The following STON2 variants were observed in gnomAD, a reference collection of about 807,000 sequenced individuals.
The protein encoded by STON2 is stonin-2.
A neutral mutation model predicts 65.7 loss-of-function variants in STON2; 29 were observed. The ratio of observed to expected loss-of-function variants is 0.44; its 90% confidence interval spans 0.33 to 0.60. The LOEUF (loss-of-function observed/expected upper bound fraction) is 0.60, where lower values mean the gene tolerates loss of function less well. Among genes scored for constraint, STON2 ranks in the 20% least tolerant of loss-of-function variants. STON2 has a pLI of 0.03. For missense variants in STON2, 1,054 were observed against 1,118.1 expected, an observed-to-expected ratio of 0.94 and a Z score of 0.82; for synonymous variants, 404 against 414.2, an observed-to-expected ratio of 0.98 and a Z score of 0.30.
intron 3 of STON2, chr14:81,395,631 A>G (rs1900277191): frequency 2.3e-6 from 1 of 439,502 alleles, no homozygotes; most frequent in Non-Finnish European, 4.1e-6. Context: ...TATATGCATT[A>G]TTTTAAAGAC....
chr14:81,412,962 G>A, intron 2 of STON2: 1 of 986,440 alleles, frequency 1.0e-6, no homozygotes, highest in South Asian at 1.5e-5. Context: ...CCTTCTCCAT[G>A]GGTAACCATG....
chr14:81,327,676 T>A (rs1897049410), intron 4 of STON2, among the ~76,000 whole-genome samples: 1 of 152,258 alleles, frequency 6.6e-6, no homozygotes, highest in Non-Finnish European at 1.5e-5. Context: ...ATTAAAGGCT[T>A]ATACTTTCCA....
chr14:81,264,200 A>C lies in STON2; in HGVS notation c.*4214T>G. ...GGGCACAAAAATGTTTTTCAATGTG[A>C]ATGAGGTACATTGTAGTTCAAATTC... is the stretch of plus-strand genomic sequence containing the variant. On this transcript the variant is annotated 3_prime_UTR_variant, in exon 8 of 8. Transcript: ENST00000614646. 3 of 985,418 alleles carry C rather than the reference A, an allele frequency of 3.0e-6. No homozygotes were observed. The South Asian group carries it at 1.4e-4, about 46-fold the overall frequency. The allele number at this position is 985,418 out of a possible 1,614,324, so 61.0% of individuals were successfully genotyped here.
chr14:81,406,078 C>T (rs913399470), intron 2 of STON2, among the ~76,000 whole-genome samples: 16 of 152,148 alleles, frequency 1.1e-4, no homozygotes, highest in African/African-American at 3.6e-4. Flanking sequence ...TGGACTTACA[C>T]CAGTGATTTG....
intron 5 of STON2, among the ~76,000 whole-genome samples, chr14:81,291,843 A>T (rs1386458031): frequency 1.4e-5 from 2 of 146,210 alleles, no homozygotes; most frequent in Non-Finnish European, 3.0e-5. Flanking sequence ...GCATGTTTCA[A>T]ATACTTAGCA....
chr14:81,313,831 ACACACACACT>A (rs1208102587), intron 5 of STON2, among the ~76,000 whole-genome samples: 1 of 148,920 alleles, frequency 6.7e-6, no homozygotes, highest in Non-Finnish European at 1.5e-5. Flanking sequence ...ACACACACAC[ACACACACACT>A]AATGAAACAG....
chr14:81,306,387 T>G (rs1264692978), intron 5 of STON2, among the ~76,000 whole-genome samples: 1 of 6,986 alleles, frequency 1.4e-4, no homozygotes, highest in African/African-American at 6.1e-4. Context: ...ATATGCTCTA[T>G]TTTTTTTTAA....
At chr14:81,418,725 C>T (rs1356387791) in intron 2 of STON2, among the ~76,000 whole-genome samples, 2 of 152,162 alleles carry the variant, frequency 1.3e-5, no homozygotes, top group Non-Finnish European at 2.9e-5. Context: ...ATGACCACAG[C>T]ACAACTGTAA....
At chr14:81,288,462 G>A (rs904423384) in intron 5 of STON2, among the ~76,000 whole-genome samples, 7 of 152,170 alleles carry the variant, frequency 4.6e-5, no homozygotes, top group African/African-American at 1.7e-4. Context: ...TTACTGTACT[G>A]AATACTGCAG....
upstream of STON2, among the ~76,000 whole-genome samples, chr14:81,404,068 G>T (rs1435643396): frequency 2.6e-5 from 4 of 152,190 alleles, no homozygotes; most frequent in African/African-American, 9.6e-5. Context: ...GAATGAATTT[G>T]CCTTAACATA....
Position 81,267,293 on chromosome 14 carries a change from T to C in STON2, c.*1121A>G, listed in dbSNP as rs780491815. 5.1e-6 allele frequency: 5 copies of C among 985,384 alleles called. No homozygotes were observed. Among genetic ancestry groups the C allele is most frequent in the African/African-American group, 1.7e-5 (1 of 57,354 alleles). 61.0% of individuals were successfully genotyped at this position (985,384 alleles called of 1,614,324 possible). A position where few individuals can be genotyped will look rare whatever the true frequency, so the allele number is the denominator to read the frequency against. On this transcript the variant is annotated 3_prime_UTR_variant, in exon 8 of 8. Transcript: ENST00000614646. ...TAATGTTCCCAACATTAGAAAAATA[T>C]GGCTTTTCCACGTCTCTACCCTAGA...
intron 4 of STON2, among the ~76,000 whole-genome samples, chr14:81,326,549 C>T (rs938017068): frequency 6.6e-6 from 1 of 152,136 alleles, no homozygotes; most frequent in African/African-American, 2.4e-5. Context: ...GGAACTCCAA[C>T]ATACTCTACG....
chr14:81,274,031 CCGGATGGAACA>C (rs1288561523), intron 6 of STON2, among the ~76,000 whole-genome samples: 1 of 152,152 alleles, frequency 6.6e-6, no homozygotes, highest in East Asian at 1.9e-4. Context: ...CTCTGGGTTC[CCGGATGGAACA>C]CTGCAAGGGA....
rs562565580 is a variant in STON2 at position 81,305,602 on chromosome 14, AT to A, written c.742+18414del. The stretch of plus-strand genomic sequence containing the variant: ...GTTTTTTTTATATATTCAGGATTTG[AT>A]TTCTTTGTTATTATGTATTTATTGC... On this transcript the variant is annotated intron_variant, in intron 5 of 7. Coordinates refer to ENST00000614646, the MANE Select transcript of STON2 (RefSeq NM_001394390.1). Among the ~76,000 whole-genome samples, 5 of 151,554 alleles carry A rather than the reference AT, an allele frequency of 3.3e-5. No individual in the cohort carries two copies. The South Asian group carries it at 1.0e-3, about 32-fold the overall frequency.
Position 81,277,242 on chromosome 14 carries a change from A to G in STON2, c.2240T>C (p.Leu747Pro). 1 of 1,614,160 alleles carries G rather than the reference A, an allele frequency of 6.2e-7. No homozygotes were observed. Among genetic ancestry groups the G allele is most frequent in the East Asian group, 2.2e-5 (1 of 44,890 alleles). Residue 747 changes from leucine (L) to proline (P), a missense_variant, in exon 6 of 8, where the codon CTC becomes CCC. By Grantham distance (98) the Leu-to-Pro change is moderately conservative. Coordinates refer to ENST00000614646, the MANE Select transcript of STON2 (RefSeq NM_001394390.1). The stretch of plus-strand genomic sequence containing the variant: ...CCCATTGACACTTGTGGCCGTCCTG[A>G]GTGTGAAAGGCAAGGTCTTCTCAGC... ...VFAEKTLPFT[L>P]RTATSVNGAE...
intron 5 of STON2, among the ~76,000 whole-genome samples, chr14:81,288,743 T>A (rs1895438215): frequency 6.7e-6 from 1 of 150,194 alleles, no homozygotes; most frequent in African/African-American, 2.5e-5. Flanking sequence ...GCTCTTTTTG[T>A]TTCGGAGGTT....
chr14:81,405,204 C>T (rs2140460761), upstream of STON2, among the ~76,000 whole-genome samples: 1 of 152,246 alleles, frequency 6.6e-6, no homozygotes, highest in South Asian at 2.1e-4. Flanking sequence ...TTCTGCTAAT[C>T]TGTCCTTGCG....
chr14:81,280,012 A>G (rs1895042823), intron 5 of STON2, among the ~76,000 whole-genome samples: 1 of 152,252 alleles, frequency 6.6e-6, no homozygotes, highest in Non-Finnish European at 1.5e-5. Context: ...TAAGAAATTG[A>G]AGCCTACAAT....
At chr14:81,407,956 T>C (rs1900950245) in intron 2 of STON2, among the ~76,000 whole-genome samples, 1 of 152,224 alleles carries the variant, frequency 6.6e-6, no homozygotes, top group Non-Finnish European at 1.5e-5. Flanking sequence ...ATAACCATGC[T>C]GCTTGTTTCA....
Sources: gnomAD v4.1 joint callset for allele counts (sites outside exome capture counted in the v4.1 genomes callset) on GRCh38, gnomAD v4.1.1 for gene constraint, MANE v1.5 for transcripts, NCBI Gene and HGNC (gene_info 2026-07-23, HGNC 2026-07-21) for gene names.